OPHN1: variants seen among roughly 807,000 people sequenced by gnomAD.
OPHN1 encodes the protein oligophrenin 1.
A neutral mutation model predicts 60.7 loss-of-function variants in OPHN1; 11 were observed. The ratio of observed to expected loss-of-function variants is 0.18; its 90% CI spans 0.11 to 0.30. OPHN1 has a LOEUF of 0.30. Among genes scored for constraint, OPHN1 ranks in the 10% least tolerant of loss-of-function variants. The pLI is 1.00. For missense variants in OPHN1, 449 were observed against 611.0 expected (o/e 0.73, Z 2.80); for synonymous variants, 226 against 222.6 (o/e 1.02, Z -0.14).
intron 20 of OPHN1, chrX:68,070,493 G>A (rs1480680580): frequency 1.3e-5 from 8 of 609,476 alleles, no homozygotes; most frequent in Non-Finnish European, 2.3e-5. Context: ...TAGGGGCTGT[G>A]CACAGGAACT....
intron 20 of OPHN1, chrX:68,070,561 T>C (rs878978672): frequency 1.5e-6 from 1 of 647,241 alleles, no homozygotes; most frequent in African/African-American, 2.1e-5. Context: ...AGGACTTTAC[T>C]GTCCAGGAGC....
chrX:68,249,043 A>G (rs186486035), intron 5 of OPHN1, among the ~76,000 whole-genome samples: 4 of 111,765 alleles, frequency 3.6e-5, no homozygotes. Context: ...AGCAATACAG[A>G]GTGAATATAG....
rs183236554 is a variant in OPHN1, at chrX:68,229,590, T to A, written c.486+4897A>T. Among the ~76,000 whole-genome samples the A allele has an allele frequency of 2.1e-4, 23 of 110,854 alleles. No homozygotes were observed. In the East Asian group the frequency reaches 5.7e-3, roughly 27 times the overall value. The stretch of plus-strand genomic sequence containing the variant: ...ATATAGACCAATGGAACAGAATAGA[T>A]CCCTCAGAAATAATACTACACATCT... On this transcript the variant is annotated intron_variant, in intron 6 of 24. Transcript: ENST00000355520.
At chrX:68,152,806 G>A (rs1293993069) in intron 15 of OPHN1, among the ~76,000 whole-genome samples, 1 of 111,013 alleles carries the variant, frequency 9.0e-6, no homozygotes, top group Non-Finnish European at 1.9e-5. Context: ...AGCTCCTTAC[G>A]GTCAGCAAGT....
At chrX:68,306,843 C>T (rs2078147623) in intron 2 of OPHN1, among the ~76,000 whole-genome samples, 1 of 111,086 alleles carries the variant, frequency 9.0e-6, no homozygotes, top group Admixed American at 9.6e-5. Flanking sequence ...CCACCTCAGC[C>T]TCCCACATAG....
rs1041523240 is a variant in OPHN1, at chrX:68,219,458, C to A, written c.487-5486G>T. 3.8e-3 allele frequency among the ~76,000 whole-genome samples: 412 copies of A among 107,793 alleles called. 3 individuals carry two copies. Among genetic ancestry groups the A allele is most frequent in the African/African-American group, 0.013 (398 of 29,562 alleles). The allele number at this position is 107,793 out of a possible 115,157, so 93.6% of individuals were successfully genotyped here. The stretch of plus-strand genomic sequence containing the variant: ...ATAGACATCTACAGAACTCTCCACC[C>A]CAAATCAACAGAATATACATTTTTC... On this transcript the variant is annotated intron_variant, in intron 6 of 24. Transcript: ENST00000355520.
chrX:68,190,680 T>C (rs1187769978), intron 15 of OPHN1, among the ~76,000 whole-genome samples: 1 of 112,160 alleles, frequency 8.9e-6, no homozygotes, highest in East Asian at 2.8e-4. Context: ...TGGCATGGCA[T>C]TTTTTAGCTT....
intron 19 of OPHN1, among the ~76,000 whole-genome samples, chrX:68,093,724 C>T (rs1027276112): frequency 4.5e-5 from 5 of 111,536 alleles, no homozygotes; most frequent in African/African-American, 1.6e-4. Flanking sequence ...ACGCATACGT[C>T]ATGTTCATGT....
chrX:68,381,322 C>A (rs1423855428), intron 2 of OPHN1, among the ~76,000 whole-genome samples: 2 of 111,710 alleles, frequency 1.8e-5, no homozygotes, highest in Non-Finnish European at 3.8e-5. Context: ...TCATCTATTT[C>A]CCCAAATAGA....
chrX:68,409,713 T>C (rs1267138272), intron 2 of OPHN1, among the ~76,000 whole-genome samples: 1 of 112,126 alleles, frequency 8.9e-6, no homozygotes, highest in Non-Finnish European at 1.9e-5. Flanking sequence ...GGTAAGGATA[T>C]GTGAATACAC....
chrX:68,227,096 G>A (rs761025676), intron 6 of OPHN1, among the ~76,000 whole-genome samples: 27 of 111,139 alleles, frequency 2.4e-4, no homozygotes, highest in Non-Finnish European at 4.7e-4. Context: ...AAAAAGGCAT[G>A]GGTTGCAATC....
intron 6 of OPHN1, among the ~76,000 whole-genome samples, chrX:68,230,034 C>G (rs967862493): frequency 1.8e-5 from 2 of 112,039 alleles, no homozygotes; most frequent in Non-Finnish European, 3.8e-5. Context: ...GGCGAATATC[C>G]AGAATCTACA....
chrX:68,048,360 C>T (rs1257414000), intron 24 of OPHN1, 56 bp downstream of exon 24: 4 of 1,067,036 alleles, frequency 3.7e-6, no homozygotes, highest in East Asian at 6.1e-5. Context: ...TATCAGATCC[C>T]GTAATGAAGG....
intron 6 of OPHN1, among the ~76,000 whole-genome samples, chrX:68,224,940 A>C (rs994355845): frequency 8.9e-6 from 1 of 112,170 alleles, no homozygotes; most frequent in African/African-American, 3.2e-5. Context: ...TCACCCTGGA[A>C]GCGCAAGGGG....
intron 11 of OPHN1, among the ~76,000 whole-genome samples, chrX:68,198,091 T>C (rs2147463479): frequency 9.0e-6 from 1 of 111,408 alleles, no homozygotes; most frequent in Admixed American, 9.6e-5. Context: ...TTTATTCTAT[T>C]TATTTGCAGG....
chrX:68,232,937 T>C (rs1348809083), intron 6 of OPHN1, among the ~76,000 whole-genome samples: 1 of 108,805 alleles, frequency 9.2e-6, no homozygotes, highest in African/African-American at 3.4e-5. Flanking sequence ...GGCTTTTTTT[T>C]TTTTTTTTGA....
intron 2 of OPHN1, among the ~76,000 whole-genome samples, chrX:68,412,124 A>C (rs374171258): frequency 2.7e-5 from 3 of 110,802 alleles, no homozygotes; most frequent in East Asian, 5.7e-4. Context: ...TAGGTGTCAG[A>C]CTCTCAGTTA....
At chrX:68,116,890 T>C (rs2077129415) in intron 16 of OPHN1, among the ~76,000 whole-genome samples, 1 of 111,359 alleles carries the variant, frequency 9.0e-6, no homozygotes, top group African/African-American at 3.3e-5. Context: ...CTTCTAGGAA[T>C]ATCTACTGCT....
At chrX:68,223,085 G>T (rs745872839) in intron 6 of OPHN1, among the ~76,000 whole-genome samples, 1 of 111,510 alleles carries the variant, frequency 9.0e-6, no homozygotes, top group African/African-American at 3.3e-5. Context: ...ATTCACTTTG[G>T]GTAGGAATGT....
Sources: gnomAD v4.1 joint callset for allele counts (sites outside exome capture counted in the v4.1 genomes callset) on GRCh38, gnomAD v4.1.1 for gene constraint, MANE v1.5 for transcripts, NCBI Gene and HGNC (gene_info 2026-07-23, HGNC 2026-07-21) for gene names.